Variants in GRM5 observed in about 807,000 individuals in gnomAD.
The protein encoded by GRM5 is glutamate metabotropic receptor 5.
A neutral mutation model predicts 83.1 loss-of-function variants in GRM5; 19 were observed. That is an observed-to-expected ratio of 0.23 (90% CI 0.16 to 0.34). The LOEUF is 0.34. GRM5 is among the 10% of genes least tolerant of loss of function. The pLI is 1.00. For missense variants in GRM5, 1,160 were observed against 1,588.3 expected, an observed-to-expected ratio of 0.73 and a Z score of 4.58; for synonymous variants, 675 against 633.6, an observed-to-expected ratio of 1.07 and a Z score of -0.98.
intron 2 of GRM5, among the ~76,000 whole-genome samples, chr11:89,001,202 G>T (rs1306768092): frequency 1.3e-5 from 2 of 151,920 alleles, no homozygotes; most frequent in Non-Finnish European, 2.9e-5. Context: ...ATACAATACA[G>T]CAATCACTCT....
At chr11:88,622,869 A>C (rs1413662741) in intron 4 of GRM5, among the ~76,000 whole-genome samples, 2 of 152,178 alleles carry the variant, frequency 1.3e-5, no homozygotes, top group African/African-American at 4.8e-5. Context: ...CTATTTTGCC[A>C]CTTACTAGTT....
At chr11:88,838,042 G>T (rs1462239193) in intron 3 of GRM5, among the ~76,000 whole-genome samples, 1 of 118,734 alleles carries the variant, frequency 8.4e-6, no homozygotes, top group South Asian at 3.0e-4. Context: ...ACCAGATCGC[G>T]CCACTGCACT....
chr11:88,673,206 G>T (rs779610372), intron 3 of GRM5, among the ~76,000 whole-genome samples: 1 of 151,876 alleles, frequency 6.6e-6, no homozygotes, highest in South Asian at 2.1e-4. Context: ...CAGGTGAGAA[G>T]TGATGATTTG....
At chr11:88,597,413 G>T in intron 5 of GRM5, 61 bp from the exon 6 acceptor site, 1 of 885,318 alleles carries the variant, frequency 1.1e-6, no homozygotes, top group South Asian at 1.9e-5. Flanking sequence ...CTTTGAAAAG[G>T]CAATATATTT....
chr11:88,729,715 A>C (rs1332422641), intron 3 of GRM5, among the ~76,000 whole-genome samples: 1 of 152,172 alleles, frequency 6.6e-6, no homozygotes, highest in Non-Finnish European at 1.5e-5. Context: ...CCTCAGAAAT[A>C]ACATCACACA....
chr11:88,896,178 G>C (rs1161130826), intron 2 of GRM5, among the ~76,000 whole-genome samples: 1 of 151,850 alleles, frequency 6.6e-6, no homozygotes, highest in South Asian at 2.1e-4. Flanking sequence ...ATCTAGTAGA[G>C]GGTAGGCCAA....
chr11:89,060,871 A>C (rs1307821640), intron 1 of GRM5, among the ~76,000 whole-genome samples: 1 of 152,210 alleles, frequency 6.6e-6, no homozygotes, highest in East Asian at 1.9e-4. Flanking sequence ...TAAATACATC[A>C]TGCACTAAAA....
chr11:88,739,800 AC>A (rs1299146439), intron 3 of GRM5, among the ~76,000 whole-genome samples: 4 of 151,860 alleles, frequency 2.6e-5, no homozygotes, highest in Non-Finnish European at 4.4e-5. Context: ...GGTCAATTAA[AC>A]CTCTTTCCTT....
At chr11:88,754,966 C>T (rs934815438) in intron 3 of GRM5, among the ~76,000 whole-genome samples, 3 of 151,034 alleles carry the variant, frequency 2.0e-5, no homozygotes, top group African/African-American at 7.3e-5. Context: ...TTTTACAACA[C>T]TTCTGTAGGC....
At chr11:88,692,519 C>G (rs1940805328) in intron 3 of GRM5, among the ~76,000 whole-genome samples, 2 of 152,318 alleles carry the variant, frequency 1.3e-5, no homozygotes, top group South Asian at 4.1e-4. Flanking sequence ...CTGATGTTCT[C>G]TGTCACCTCT....
Position 88,886,815 on chromosome 11 carries a change from A to C in GRM5, c.662-36660T>G, listed in dbSNP as rs184281755. The stretch of plus-strand genomic sequence containing the variant: ...GTGTATGCAATGTATGGGAAATTTT[A>C]TAGTTCAGGGAGGTAATCTTGTTTG... On this transcript the variant is annotated intron_variant, in intron 2 of 9. Transcript: ENST00000305447. Among the ~76,000 whole-genome samples the C allele has an allele frequency of 3.9e-5, 6 of 152,282 alleles. No individual in the cohort carries two copies. In the South Asian group the frequency reaches 1.2e-3, roughly 32 times the overall value.
At chr11:88,766,686 A>C (rs555286554) in intron 3 of GRM5, among the ~76,000 whole-genome samples, 3 of 152,182 alleles carry the variant, frequency 2.0e-5, no homozygotes, top group African/African-American at 7.2e-5. Flanking sequence ...CAATTGCAAC[A>C]GAAACAAAAA....
At chr11:88,563,682 G>A (rs543374426) in intron 8 of GRM5, among the ~76,000 whole-genome samples, 10 of 152,256 alleles carry the variant, frequency 6.6e-5, no homozygotes, top group African/African-American at 2.2e-4. Context: ...GGGCTCAATA[G>A]CATATTAAAA....
At chr11:88,749,218 T>C (rs887159855) in intron 3 of GRM5, among the ~76,000 whole-genome samples, 5 of 152,132 alleles carry the variant, frequency 3.3e-5, no homozygotes, top group Non-Finnish European at 5.9e-5. Context: ...AAGGAGCTGA[T>C]AGCCAGAATG....
intron 2 of GRM5, among the ~76,000 whole-genome samples, chr11:89,012,511 G>A (rs1420290019): frequency 2.0e-5 from 3 of 152,134 alleles, no homozygotes; most frequent in African/African-American, 7.2e-5. Flanking sequence ...TTGGGAAAAT[G>A]TATGATGCGT....
intron 3 of GRM5, among the ~76,000 whole-genome samples, chr11:88,721,708 T>TATC (rs2038700013): frequency 6.6e-6 from 1 of 152,142 alleles, no homozygotes; most frequent in African/African-American, 2.4e-5. Flanking sequence ...AAAAACATCC[T>TATC]ATCTATGAAC....
intron 2 of GRM5, among the ~76,000 whole-genome samples, chr11:88,948,901 G>C (rs1471830359): frequency 2.0e-5 from 3 of 152,176 alleles, no homozygotes; most frequent in Non-Finnish European, 4.4e-5. Context: ...TACAAGAGCA[G>C]AAATGAAGAG....
At chr11:88,584,803 A>G (rs1943281988) in intron 7 of GRM5, among the ~76,000 whole-genome samples, 1 of 152,180 alleles carries the variant, frequency 6.6e-6, no homozygotes, top group South Asian at 2.1e-4. Context: ...GCTTAAAACT[A>G]TTCTCTCCAC....
intron 2 of GRM5, among the ~76,000 whole-genome samples, chr11:88,856,741 T>A (rs1421172280): frequency 6.6e-6 from 1 of 152,032 alleles, no homozygotes; most frequent in Non-Finnish European, 1.5e-5. Flanking sequence ...ACATGTGTAA[T>A]ACATTCTGCT....
Sources: allele counts gnomAD v4.1 joint callset (sites outside exome capture counted in the v4.1 genomes callset), GRCh38; gene constraint gnomAD v4.1.1; transcripts MANE v1.5; gene names NCBI Gene and HGNC (gene_info 2026-07-23, HGNC 2026-07-21).